NIBAN3: variants seen among roughly 807,000 people sequenced by gnomAD.
NIBAN3 encodes protein Niban 3.
In NIBAN3, 66 loss-of-function variants were observed where a neutral mutation model predicts 76.4. That is an observed-to-expected ratio of 0.86 (90% confidence interval 0.71 to 1.06). The LOEUF is 1.06. Among genes scored for constraint, NIBAN3 ranks in the 50% least tolerant of loss-of-function variants. NIBAN3 has a pLI of 0.00. For missense variants in NIBAN3, 808 were observed against 810.7 expected (o/e 1.00, Z 0.04); for synonymous variants, 360 against 355.2 (o/e 1.01, Z -0.15).
chr19:17,550,782 G>C (rs899084581), intron 14 of NIBAN3, among the ~76,000 whole-genome samples: 1 of 149,780 alleles, frequency 6.7e-6, no homozygotes, highest in Admixed American at 6.7e-5. Flanking sequence ...AAACCAACAG[G>C]CATTTGGTTT....
At chr19:17,549,934 A>G (rs1313750573) in intron 14 of NIBAN3, 6 of 365,648 alleles carry the variant, frequency 1.6e-5, no homozygotes, top group Admixed American at 8.6e-5. Context: ...CTCCTGCCTC[A>G]GCCTCCCGAG....
chr19:17,524,053 T>G (rs1312298366), upstream of NIBAN3, among the ~76,000 whole-genome samples: 2 of 152,022 alleles, frequency 1.3e-5, no homozygotes, highest in Admixed American at 1.3e-4. Context: ...CACTCCCAGC[T>G]AATTTTGGTA....
chr19:17,533,756 T>C, intron 4 of NIBAN3, 55 bp downstream of exon 4: 1 of 1,308,918 alleles, frequency 7.6e-7, no homozygotes. Flanking sequence ...ATCATTAACA[T>C]GTGGGGCCAG....
intron 2 of NIBAN3, 85 bp downstream of exon 2, chr19:17,530,970 A>T: frequency 6.9e-7 from 1 of 1,455,060 alleles, no homozygotes. Flanking sequence ...CCAACCTCAG[A>T]CCTTTGCCAT....
rs761934232 is a variant in NIBAN3 at position 17,542,213 on chromosome 19, G to T, written c.1248G>T (p.Gly416=). The T allele has an allele frequency of 1.2e-6, 2 of 1,614,150 alleles. No homozygotes were observed. Among genetic ancestry groups the T allele is most frequent in the Non-Finnish European group, 1.7e-6 (2 of 1,180,026 alleles). The change falls in exon 10 of 15, where the codon GGG becomes GGT. Residue 416 remains glycine, a synonymous_variant. Transcript: ENST00000599164. The surrounding 1 kb of genome is among the most constrained non-coding windows in gnomAD (Gnocchi z 4.8). ...TCYREAERSR[G]RLGQLAAPFG... ...ACCGTGAGGCCGAGCGGAGCCGGGG[G>T]CGCTTGGGGCAGCTGGCAGCACCGT... is the stretch of plus-strand genomic sequence containing the variant.
Position 17,539,283 on chromosome 19 carries a change from C to T in NIBAN3, c.711+18C>T. 1 of 1,579,840 alleles carries T rather than the reference C, an allele frequency of 6.3e-7. No homozygotes were observed. Among genetic ancestry groups the T allele is most frequent in the Admixed American group, 1.8e-5 (1 of 55,090 alleles). On this transcript the variant is annotated intron_variant, in intron 6 of 14. Coordinates refer to ENST00000599164, the MANE Select transcript of NIBAN3 (RefSeq NM_001321827.2). ...ACGCCGAGGTTAGTGCCCCGCGAGG[C>T]CGCACCCGGGACCCCCAGGACCCTC...
At chr19:17,548,443 G>A (rs1000479394) in intron 13 of NIBAN3, among the ~76,000 whole-genome samples, 2 of 152,168 alleles carry the variant, frequency 1.3e-5, no homozygotes, top group Admixed American at 6.6e-5. Flanking sequence ...GGCCCGAGCA[G>A]GGGCAGCAGC....
chr19:17,546,574 C>T, intron 12 of NIBAN3, 112 bp from the exon 13 acceptor site: 5 of 1,299,630 alleles, frequency 3.8e-6, no homozygotes, highest in South Asian at 2.4e-5. Flanking sequence ...GCCCAAGCCC[C>T]GCCCCCCAAC....
chr19:17,540,033 A>G (rs1599736576), intron 8 of NIBAN3: 2 of 444,918 alleles, frequency 4.5e-6, no homozygotes, highest in East Asian at 3.7e-5. Context: ...GGCTGCTTGG[A>G]TACAAAAAGG....
In NIBAN3 at chr19:17,539,651, C is replaced by T; in HGVS notation, c.865C>T (p.Leu289Phe). Reference sequence around the variant, plus strand: ...TGTCCTGGCCGGGGCCTCCGCCGGGCTCTGCGCCTTCCAGCCCGAAAAGGA... The same window carrying T: ...TGTCCTGGCCGGGGCCTCCGCCGGGTTCTGCGCCTTCCAGCCCGAAAAGGA... The part of the protein sequence containing the change: ...AAVLAGASAG[L>F]CAFQPEKDEL... Residue 289 changes from leucine (L) to phenylalanine (F), a missense_variant, in exon 8 of 15, where the codon CTC becomes TTC. By Grantham distance (22) the Leu-to-Phe change is conservative. Transcript: ENST00000599164. 6.4e-7 allele frequency: 1 copy of T among 1,568,476 alleles called. No homozygotes were observed. Among genetic ancestry groups the T allele is most frequent in the Non-Finnish European group, 8.6e-7 (1 of 1,156,464 alleles).
chr19:17,537,601 C>T, intron 5 of NIBAN3, 58 bp downstream of exon 5: 1 of 1,481,920 alleles, frequency 6.7e-7, no homozygotes. Context: ...TCAGATGGCT[C>T]AGCCTCTGTT....
chr19:17,547,350 C>CTTTTTTTT (rs1161818189), intron 13 of NIBAN3, among the ~76,000 whole-genome samples: 3 of 62,702 alleles, frequency 4.8e-5, no homozygotes, highest in African/African-American at 6.9e-5. Context: ...GAGACTATGT[C>CTTTTTTTT]TTTTTTTTTT....
chr19:17,531,643 C>T (rs1480435462), intron 2 of NIBAN3, among the ~76,000 whole-genome samples: 11 of 152,168 alleles, frequency 7.2e-5, no homozygotes, highest in Non-Finnish European at 1.5e-4. Flanking sequence ...AAGCGATTCT[C>T]GTGCCTCAGC....
chr19:17,540,000 C>G (rs1193531134), intron 8 of NIBAN3, among the ~76,000 whole-genome samples: 1 of 150,974 alleles, frequency 6.6e-6, no homozygotes, highest in Non-Finnish European at 1.5e-5. Context: ...AGAGTCTGTC[C>G]GGAGGAAACC....
chr19:17,542,364 T>C lies in NIBAN3; in HGVS notation c.1329+70T>C. The C allele has an allele frequency of 6.8e-7, 1 of 1,476,550 alleles. No individual in the cohort carries two copies. Among genetic ancestry groups the C allele is most frequent in the Non-Finnish European group, 9.1e-7 (1 of 1,098,742 alleles). The allele number at this position is 1,476,550 out of a possible 1,614,324, so 91.5% of individuals were successfully genotyped here. A position where few individuals can be genotyped will look rare whatever the true frequency, so the allele number is the denominator to read the frequency against. Reference sequence around the variant, plus strand: ...GCCTCCACTGACCTCCTGCTAAGTGTGCCCTGGAGAGACCACGATGATCGA... The same window carrying C: ...GCCTCCACTGACCTCCTGCTAAGTGCGCCCTGGAGAGACCACGATGATCGA... On this transcript the variant is annotated intron_variant, in intron 10 of 14. Coordinates refer to ENST00000599164, the MANE Select transcript of NIBAN3 (RefSeq NM_001321827.2). This position sits in a 1 kb window ranked among gnomAD's most constrained non-coding sequence, Gnocchi z 4.8.
intron 2 of NIBAN3, 104 bp from the exon 3 acceptor site, chr19:17,532,159 C>T (rs373530620): frequency 6.0e-5 from 83 of 1,394,892 alleles, no homozygotes; most frequent in Non-Finnish European, 7.5e-5. Context: ...TGGGGCATCA[C>T]GGGACCTTAG....
At position 17,527,411 on chromosome 19, in the gene NIBAN3, G is replaced by A. The variant is rs1410643726; in HGVS notation, c.55+16G>A. On this transcript the variant is annotated intron_variant, in intron 1 of 14. Transcript: ENST00000599164. ...CACCTAAGGGGTGAGCAGCCGGGGA[G>A]GGGACAGGGTGGGAGTCCAGGTGGG... The A allele has an allele frequency of 2.6e-6, 4 of 1,512,540 alleles. No individual in the cohort carries two copies. The highest frequency in any genetic ancestry group is 2.7e-6 in the Non-Finnish European group (3 of 1,127,582). The allele number at this position is 1,512,540 out of a possible 1,614,324, so 93.7% of individuals were successfully genotyped here.
At chr19:17,529,213 G>C (rs1487198441) in intron 1 of NIBAN3, among the ~76,000 whole-genome samples, 1 of 152,118 alleles carries the variant, frequency 6.6e-6, no homozygotes, top group East Asian at 1.9e-4. Context: ...GGGCTGGGGG[G>C]GCATTGTAAG....
In NIBAN3 at chr19:17,542,692, G is replaced by A. The variant is rs1177672348; in HGVS notation, c.1329+398G>A. ...CCGGCGACATGGACGGGCAGATCGC[G>A]CAGTGCCTTGAGCGTGGGGCTAAGG... On this transcript the variant is annotated intron_variant, in intron 10 of 14. Transcript: ENST00000599164. This position sits in a 1 kb window ranked among gnomAD's most constrained non-coding sequence, Gnocchi z 4.8. 4.6e-5 allele frequency among the ~76,000 whole-genome samples: 7 copies of A among 152,186 alleles called. No individual in the cohort carries two copies. Among genetic ancestry groups the A allele is most frequent in the East Asian group, 1.9e-4 (1 of 5,192 alleles).
Sources: allele counts gnomAD v4.1 joint callset (sites outside exome capture counted in the v4.1 genomes callset), GRCh38; gene constraint gnomAD v4.1.1; non-coding constraint Gnocchi (gnomAD v3.1); transcripts MANE v1.5; gene names NCBI Gene and HGNC (gene_info 2026-07-23, HGNC 2026-07-21).